Variants in PCCA observed in about 807,000 individuals in gnomAD.
PCCA encodes propionyl-CoA carboxylase alpha chain, mitochondrial.
In PCCA, 74 loss-of-function variants were observed where a neutral mutation model predicts 101.3. The observed-to-expected ratio is 0.73, with a 90% CI of 0.61 to 0.89. PCCA has a LOEUF of 0.89. Among genes scored for constraint, PCCA ranks in the 40% least tolerant of loss-of-function variants. The pLI is 0.00. For missense variants in PCCA, 891 were observed against 907.0 expected, an observed-to-expected ratio of 0.98 and a Z score of 0.23; for synonymous variants, 294 against 313.6, an observed-to-expected ratio of 0.94 and a Z score of 0.66.
At chr13:100,305,472 G>A (rs1428479974) in intron 14 of PCCA, among the ~76,000 whole-genome samples, 1 of 152,110 alleles carries the variant, frequency 6.6e-6, no homozygotes, top group Admixed American at 6.5e-5. Flanking sequence ...AGTTTATGTA[G>A]CAAATGATAG....
intron 6 of PCCA, among the ~76,000 whole-genome samples, chr13:100,162,116 C>T (rs1229357407): frequency 1.3e-5 from 2 of 150,108 alleles, no homozygotes; most frequent in Admixed American, 6.6e-5. Flanking sequence ...GTGTGTCTGT[C>T]TGTCTGCGTG....
intron 6 of PCCA, among the ~76,000 whole-genome samples, chr13:100,169,434 G>C (rs2055392689): frequency 2.5e-5 from 2 of 80,290 alleles, no homozygotes; most frequent in Non-Finnish European, 4.5e-5. Flanking sequence ...GAGCGAGACT[G>C]TCTCAAAAAA....
intron 7 of PCCA, among the ~76,000 whole-genome samples, chr13:100,232,487 C>A (rs901698090): frequency 1.3e-5 from 2 of 151,818 alleles, no homozygotes; most frequent in African/African-American, 2.4e-5. Flanking sequence ...CTCATGCAAT[C>A]CTCCTGCCTC....
At chr13:100,090,438 G>A (rs1409555168) in intron 1 of PCCA, among the ~76,000 whole-genome samples, 1 of 152,220 alleles carries the variant, frequency 6.6e-6, no homozygotes, top group Admixed American at 6.5e-5. Context: ...AAGTTAGTAT[G>A]GTGTAAAGTG....
chr13:100,224,168 C>T (rs1301389941), intron 7 of PCCA, among the ~76,000 whole-genome samples: 2 of 152,210 alleles, frequency 1.3e-5, no homozygotes, highest in African/African-American at 2.4e-5. Context: ...TCAGGCATGG[C>T]GGGCTGCAGG....
chr13:100,099,770 TA>T (rs1393674365), intron 1 of PCCA, among the ~76,000 whole-genome samples: 2 of 152,098 alleles, frequency 1.3e-5, no homozygotes, highest in African/African-American at 4.8e-5. Flanking sequence ...CTGATGATAA[TA>T]TATGCAAGAC....
chr13:100,287,735 T>A (rs751890443), intron 12 of PCCA, among the ~76,000 whole-genome samples: 2 of 152,182 alleles, frequency 1.3e-5, no homozygotes, highest in Non-Finnish European at 2.9e-5. Flanking sequence ...ATTTTATCAC[T>A]TTATGGTCAC....
In PCCA at chr13:100,268,695, G is replaced by A; in HGVS notation, c.826G>A (p.Gly276Ser). 2 of 1,611,558 alleles carry A rather than the reference G, an allele frequency of 1.2e-6. No homozygotes were observed. The highest frequency in any genetic ancestry group is 1.7e-6 in the Non-Finnish European group (2 of 1,177,622). ...NPRHIEIQVL[G>S]DKHGNALWLN... ...AATGGTATTGCTCTTTCAGGTTCTA[G>A]GTGATAAACATGGGAATGCTTTATG... The change falls in exon 11 of 24, where the codon GGT (glycine) becomes AGT (serine). Residue 276 changes from glycine (G) to serine (S), a missense_variant. Gly to Ser is a moderately conservative substitution (Grantham distance 56, BLOSUM62 0). Transcript: ENST00000376285.
At chr13:100,516,294 G>A (rs555360975) in intron 22 of PCCA, among the ~76,000 whole-genome samples, 10 of 152,254 alleles carry the variant, frequency 6.6e-5, no homozygotes, top group South Asian at 6.2e-4. Context: ...AATAGCATCC[G>A]GACATGACTG....
intron 20 of PCCA, among the ~76,000 whole-genome samples, chr13:100,426,752 T>C (rs886377719): frequency 2.0e-5 from 3 of 152,176 alleles, no homozygotes; most frequent in African/African-American, 7.2e-5. Context: ...TCTCATTTTT[T>C]TAATTTTCTA....
At chr13:100,177,571 C>G (rs1350309949) in intron 6 of PCCA, among the ~76,000 whole-genome samples, 2 of 152,160 alleles carry the variant, frequency 1.3e-5, no homozygotes, top group Non-Finnish European at 2.9e-5. Context: ...CTGTTATACA[C>G]ATTCATCCTG....
chr13:100,267,834 A>G (rs1267791495), intron 10 of PCCA, among the ~76,000 whole-genome samples: 4 of 152,214 alleles, frequency 2.6e-5, no homozygotes, highest in African/African-American at 4.8e-5. Flanking sequence ...TACTTGGGAC[A>G]TAGCTAGAAA....
intron 6 of PCCA, among the ~76,000 whole-genome samples, chr13:100,191,689 C>T (rs895142074): frequency 6.6e-6 from 1 of 152,114 alleles, no homozygotes; most frequent in Admixed American, 6.5e-5. Flanking sequence ...ATTCTAGTGG[C>T]ATGGGAAGTG....
chr13:100,504,616 C>T (rs751735756), intron 21 of PCCA, among the ~76,000 whole-genome samples: 1 of 152,162 alleles, frequency 6.6e-6, no homozygotes, highest in Non-Finnish European at 1.5e-5. Flanking sequence ...AATGACATTT[C>T]TGTGTTCTGA....
chr13:100,167,835 C>T (rs994681837), intron 6 of PCCA, among the ~76,000 whole-genome samples: 2 of 152,062 alleles, frequency 1.3e-5, no homozygotes, highest in Admixed American at 6.6e-5. Context: ...TGTGCGATCT[C>T]GGCTCTCTGC....
chr13:100,092,611 C>T (rs1158155242), intron 1 of PCCA, among the ~76,000 whole-genome samples: 5 of 152,086 alleles, frequency 3.3e-5, no homozygotes, highest in African/African-American at 1.2e-4. Flanking sequence ...CCAGGCTGGT[C>T]TCAAACTCCT....
At chr13:100,437,491 A>G (rs1478403986) in intron 20 of PCCA, among the ~76,000 whole-genome samples, 1 of 151,912 alleles carries the variant, frequency 6.6e-6, no homozygotes, top group Non-Finnish European at 1.5e-5. Context: ...TTCAAATATC[A>G]TCATTTAAGG....
At chr13:100,215,008 G>C (rs1468081384) in intron 7 of PCCA, among the ~76,000 whole-genome samples, 1 of 152,128 alleles carries the variant, frequency 6.6e-6, no homozygotes. Context: ...AACTGATACT[G>C]TGCCAGTCTA....
At chr13:100,433,591 A>T (rs2079716972) in intron 20 of PCCA, among the ~76,000 whole-genome samples, 2 of 152,098 alleles carry the variant, frequency 1.3e-5, no homozygotes, top group Admixed American at 6.5e-5. Context: ...TGTTGCTACC[A>T]GGTAATAAAC....
Sources: gnomAD v4.1 joint callset for allele counts (sites outside exome capture counted in the v4.1 genomes callset) on GRCh38, gnomAD v4.1.1 for gene constraint, MANE v1.5 for transcripts, NCBI Gene and HGNC (gene_info 2026-07-23, HGNC 2026-07-21) for gene names.